Variants in FRAS1 observed in about 807,000 individuals in gnomAD.
FRAS1 encodes Fraser extracellular matrix complex subunit 1, also known as extracellular matrix organizing protein FRAS1.
FRAS1 carries 290 observed loss-of-function variants against 435.2 expected under a neutral mutation model. The observed-to-expected ratio is 0.67, with a 90% confidence interval of 0.61 to 0.73. The LOEUF (loss-of-function observed/expected upper bound fraction) is 0.73. Ranked by LOEUF, FRAS1 falls within the 30% of genes least tolerant of loss-of-function variation. The pLI, the probability that FRAS1 is intolerant of heterozygous loss-of-function variation, is 0.00. For missense variants in FRAS1, 4,860 were observed against 5,001.5 expected (o/e 0.97, Z 0.85); for synonymous variants, 1,800 against 1,851.0 (o/e 0.97, Z 0.71).
chr4:78,165,356 T>C (rs1721293307), intron 2 of FRAS1, among the ~76,000 whole-genome samples: 1 of 152,184 alleles, frequency 6.6e-6, no homozygotes, highest in African/African-American at 2.4e-5. Flanking sequence ...TGTGTTGACT[T>C]GAAAAACCCG....
At chr4:78,273,027 A>G (rs541938739) in intron 9 of FRAS1, among the ~76,000 whole-genome samples, 3 of 152,114 alleles carry the variant, frequency 2.0e-5, no homozygotes, top group Non-Finnish European at 4.4e-5. Context: ...GAGGTCCTTC[A>G]TATCCCTTGT....
At position 78,441,344 on chromosome 4, in the gene FRAS1, G is replaced by A. The variant is rs967131965; in HGVS notation, c.5665+47G>A. ...TTAAGGACCTTGAGAGAAGGGAGGG[G>A]AGAGGGAGGAGGACCTTGCTTCCAG... On this transcript the variant is annotated intron_variant, in intron 41 of 73. Transcript: ENST00000512123. 18 of 1,556,098 alleles carry A rather than the reference G, an allele frequency of 1.2e-5. No individual in the cohort carries two copies. The East Asian group carries it at 3.9e-4, about 34-fold the overall frequency.
In FRAS1 at chr4:78,245,261, A is replaced by G; in HGVS notation, c.245A>G (p.Gln82Arg). 6.2e-7 allele frequency: 1 copy of G among 1,609,030 alleles called. No individual in the cohort carries two copies. Reference sequence around the variant, plus strand: ...GAAGTGCTTCAAATAGCTGCCAACCAATGCTGTCCTGAGTGTGTTTTGAGG... The same window carrying G: ...GAAGTGCTTCAAATAGCTGCCAACCGATGCTGTCCTGAGTGTGTTTTGAGG... The part of the protein sequence containing the change: ...KGEVLQIAAN[Q>R]CCPECVLRTP... Residue 82 changes from glutamine to arginine, a missense_variant, in exon 4 of 74, where the codon CAA (glutamine) becomes CGA (arginine). Physicochemically the swap from Gln to Arg is conservative, Grantham distance 43. Transcript: ENST00000512123.
chr4:78,181,699 T>C, intron 2 of FRAS1: 2 of 1,609,820 alleles, frequency 1.2e-6, no homozygotes, highest in African/African-American at 1.3e-5. Flanking sequence ...CACCCTGAAG[T>C]TGTTGATCAG....
intron 20 of FRAS1, among the ~76,000 whole-genome samples, chr4:78,354,338 G>A (rs1199623714): frequency 6.6e-6 from 1 of 152,172 alleles, no homozygotes; most frequent in Non-Finnish European, 1.5e-5. Flanking sequence ...GAAGAAAGAA[G>A]TCTCATTTGG....
chr4:78,483,786 A>ATATATATATATATATG (rs1720087373), intron 58 of FRAS1, among the ~76,000 whole-genome samples: 1 of 58,388 alleles, frequency 1.7e-5, no homozygotes, highest in African/African-American at 4.7e-5. Context: ...CTCTCTCTAT[A>ATATATATATATATATG]TATATATATA....
At chr4:78,178,452 T>C (rs79489994) in intron 2 of FRAS1, among the ~76,000 whole-genome samples, 89 of 152,378 alleles carry the variant, frequency 5.8e-4, no homozygotes, top group African/African-American at 2.1e-3. Flanking sequence ...AAGAAGAAGC[T>C]ACCTGCAAAA....
chr4:78,408,738 G>T (rs1733199765), intron 31 of FRAS1, among the ~76,000 whole-genome samples: 1 of 152,182 alleles, frequency 6.6e-6, no homozygotes, highest in Non-Finnish European at 1.5e-5. Context: ...TATCAGATAG[G>T]TAGCATTATA....
At chr4:78,161,843 C>G (rs1005018478) in intron 2 of FRAS1, among the ~76,000 whole-genome samples, 1 of 150,988 alleles carries the variant, frequency 6.6e-6, no homozygotes, top group African/African-American at 2.4e-5. Context: ...TGCCTTATGC[C>G]TTCATCTGCA....
chr4:78,306,465 C>T (rs555152483), intron 14 of FRAS1, among the ~76,000 whole-genome samples: 1 of 87,204 alleles, frequency 1.1e-5, no homozygotes, highest in East Asian at 2.4e-4. Flanking sequence ...TGTTTTCCAA[C>T]TTGGTTCCAT....
At chr4:78,525,371 G>A (rs1721503231) in intron 69 of FRAS1, among the ~76,000 whole-genome samples, 1 of 152,180 alleles carries the variant, frequency 6.6e-6, no homozygotes, top group Non-Finnish European at 1.5e-5. Context: ...CAGACATACA[G>A]ACTTTTAGAA....
At chr4:78,489,985 A>AAAAAAAAAAAAAAAAAAAC in intron 59 of FRAS1, among the ~76,000 whole-genome samples, 1 of 150,986 alleles carries the variant, frequency 6.6e-6, no homozygotes, top group Non-Finnish European at 1.5e-5. Context: ...AAAAAAAAAA[A>AAAAAAAAAAAAAAAAAAAC]AAGAAAAGCA....
At chr4:78,162,869 T>C (rs1721195655) in intron 2 of FRAS1, among the ~76,000 whole-genome samples, 1 of 152,204 alleles carries the variant, frequency 6.6e-6, no homozygotes, top group South Asian at 2.1e-4. Flanking sequence ...CATCCTGTAC[T>C]GGGGAAAACA....
At chr4:78,281,517 T>G in intron 11 of FRAS1, 84 bp downstream of exon 11, 1 of 814,148 alleles carries the variant, frequency 1.2e-6, no homozygotes. Context: ...TGGGGAAACT[T>G]AGGACCTTAG....
intron 5 of FRAS1, among the ~76,000 whole-genome samples, chr4:78,253,761 T>G (rs1725659492): frequency 6.6e-6 from 1 of 152,142 alleles, no homozygotes; most frequent in Admixed American, 6.5e-5. Context: ...TGATTTACAG[T>G]TCTGCATTCA....
chr4:78,279,140 C>G (rs2110175654), intron 10 of FRAS1, among the ~76,000 whole-genome samples: 1 of 152,054 alleles, frequency 6.6e-6, no homozygotes, highest in East Asian at 1.9e-4. Flanking sequence ...TTGAGCAGAG[C>G]CTGAAGGGAG....
chr4:78,440,171 C>T (rs958297423), intron 40 of FRAS1, among the ~76,000 whole-genome samples: 2 of 151,602 alleles, frequency 1.3e-5, no homozygotes, highest in South Asian at 2.1e-4. Context: ...GCTGGGACTA[C>T]AGGCGCCCGC....
chr4:78,098,054 G>A (rs1741905293), intron 2 of FRAS1, among the ~76,000 whole-genome samples: 1 of 151,830 alleles, frequency 6.6e-6, no homozygotes, highest in African/African-American at 2.4e-5. Flanking sequence ...AAGCCACTCA[G>A]CCTGTAGTAA....
chr4:78,271,102 C>A (rs1726653285), intron 9 of FRAS1, among the ~76,000 whole-genome samples: 1 of 152,118 alleles, frequency 6.6e-6, no homozygotes, highest in East Asian at 1.9e-4. Flanking sequence ...CAGAGACAAC[C>A]AATGCTTCCA....
Sources: gnomAD v4.1 joint callset for allele counts (sites outside exome capture counted in the v4.1 genomes callset) on GRCh38, gnomAD v4.1.1 for gene constraint, MANE v1.5 for transcripts, NCBI Gene and HGNC (gene_info 2026-07-23, HGNC 2026-07-21) for gene names.